The following ZBTB40 variants were observed in gnomAD, a reference collection of about 807,000 sequenced individuals.
ZBTB40 encodes the protein zinc finger and BTB domain containing 40.
In ZBTB40, 60 loss-of-function variants were observed where a neutral mutation model predicts 117.5. The observed-to-expected ratio is 0.51, with a 90% CI of 0.41 to 0.63. The LOEUF is 0.63. Ranked by LOEUF, ZBTB40 falls within the 30% of genes least tolerant of loss-of-function variation. The probability of loss-of-function intolerance (pLI) is 0.00; values close to 1 mark genes in which losing one functional copy is unlikely to be tolerated. For missense variants in ZBTB40, 1,287 were observed against 1,498.5 expected (o/e 0.86, Z 2.33); for synonymous variants, 525 against 577.1 (o/e 0.91, Z 1.29).
chr1:22,454,721 C>T (rs190170392), intron 1 of ZBTB40, among the ~76,000 whole-genome samples: 145 of 152,322 alleles, frequency 9.5e-4, no homozygotes, highest in African/African-American at 3.1e-3. Flanking sequence ...GAGAACTGCA[C>T]GCCCAAGGGC....
At chr1:22,503,214 T>C (rs2124446483) in intron 5 of ZBTB40, among the ~76,000 whole-genome samples, 1 of 151,596 alleles carries the variant, frequency 6.6e-6, no homozygotes, top group East Asian at 1.9e-4. Context: ...TTCTAAGAAG[T>C]GGAATTTTGG....
At chr1:22,509,772 A>G (rs974002170) in intron 9 of ZBTB40, among the ~76,000 whole-genome samples, 8 of 152,334 alleles carry the variant, frequency 5.3e-5, no homozygotes, top group Admixed American at 1.3e-4. Flanking sequence ...TCAGGCCCCA[A>G]AGGGTTAAGT....
Position 22,528,823 on chromosome 1 carries a change from A to G in ZBTB40, c.*2427A>G, listed in dbSNP as rs895193017. 1 of 151,878 alleles carries G rather than the reference A, an allele frequency of 6.6e-6. No individual in the cohort carries two copies. Among genetic ancestry groups the G allele is most frequent in the East Asian group, 1.9e-4 (1 of 5,168 alleles). 9.4% of individuals were successfully genotyped at this position (151,878 alleles called of 1,614,324 possible). ...AGTGCTAGGATTACAGACATGAGCC[A>G]CTACGCCTGGCCAGGTTTCTGTTGG... On this transcript the variant is annotated 3_prime_UTR_variant, in exon 18 of 18. Transcript: ENST00000375647.
chr1:22,467,067 T>A (rs1641273144), intron 1 of ZBTB40, among the ~76,000 whole-genome samples: 1 of 152,218 alleles, frequency 6.6e-6, no homozygotes, highest in African/African-American at 2.4e-5. Flanking sequence ...GCAGGGTTTT[T>A]TTTAACCATT....
In ZBTB40 at chr1:22,492,017, G is replaced by A. The variant is rs1033537436; in HGVS notation, c.831+484G>A. 5.9e-5 allele frequency among the ~76,000 whole-genome samples: 9 copies of A among 152,226 alleles called. No individual in the cohort carries two copies. The South Asian group carries it at 1.0e-3, about 18-fold the overall frequency. On this transcript the variant is annotated intron_variant, in intron 3 of 17. Coordinates refer to ENST00000375647, the MANE Select transcript of ZBTB40 (RefSeq NM_014870.4). ...AAAACAGTAATAGTAAACATTCAAC[G>A]AACACTTCCTGTATTAAGCTTGGCA...
intron 3 of ZBTB40, among the ~76,000 whole-genome samples, chr1:22,493,877 T>C (rs540616185): frequency 3.3e-5 from 5 of 152,076 alleles, no homozygotes; most frequent in African/African-American, 1.2e-4. Context: ...TCCTTCTTAT[T>C]GCTGAGTTGT....
At chr1:22,429,479 T>C (rs1418347772) in intron 1 of ZBTB40, among the ~76,000 whole-genome samples, 1 of 152,094 alleles carries the variant, frequency 6.6e-6, no homozygotes, top group African/African-American at 2.4e-5. Context: ...CTTTTTCACA[T>C]TAGGTCCTTA....
At chr1:22,449,956 T>G (rs923178248), upstream of ZBTB40, among the ~76,000 whole-genome samples, 5 of 152,154 alleles carry the variant, frequency 3.3e-5, no homozygotes, top group Non-Finnish European at 7.4e-5. Context: ...CTTTTTTTTT[T>G]TTTTGAGACG....
chr1:22,432,635 C>T (rs530920157), intron 1 of ZBTB40, among the ~76,000 whole-genome samples: 2 of 152,314 alleles, frequency 1.3e-5, no homozygotes, highest in East Asian at 1.9e-4. Context: ...GTGTTGCTTT[C>T]GAGGTCTCTA....
upstream of ZBTB40, among the ~76,000 whole-genome samples, chr1:22,450,145 A>G (rs1640841710): frequency 6.6e-6 from 1 of 152,080 alleles, no homozygotes; most frequent in African/African-American, 2.4e-5. Flanking sequence ...GGGTTTCACC[A>G]TGTTGGCCAG....
At chr1:22,476,968 G>A (rs748357687) in intron 1 of ZBTB40, among the ~76,000 whole-genome samples, 4 of 152,194 alleles carry the variant, frequency 2.6e-5, no homozygotes, top group Admixed American at 2.0e-4. Context: ...GACATCTAGT[G>A]CTATATTCTG....
At chr1:22,452,502 A>G (rs1640904600) in intron 1 of ZBTB40, among the ~76,000 whole-genome samples, 2 of 152,170 alleles carry the variant, frequency 1.3e-5, no homozygotes, top group Non-Finnish European at 1.5e-5. Context: ...AAGTCCATAA[A>G]TGAAGTTTTA....
intron 1 of ZBTB40, among the ~76,000 whole-genome samples, chr1:22,454,042 C>G (rs1375189297): frequency 6.6e-6 from 1 of 152,146 alleles, no homozygotes; most frequent in African/African-American, 2.4e-5. Context: ...CTCCGCCTCC[C>G]GGGTTCAAGT....
chr1:22,530,342 T>C lies in ZBTB40; in HGVS notation c.*3946T>C, dbSNP rs1639797366. On this transcript the variant is annotated 3_prime_UTR_variant, in exon 18 of 18. Coordinates refer to ENST00000375647, the MANE Select transcript of ZBTB40 (RefSeq NM_014870.4). ...AGTGTCAGAGGCACGTTGATCCTTG[T>C]TTTGTTGTCATGGAAACTTCGGGGC... 6.6e-6 allele frequency: 1 copy of C among 152,174 alleles called. No homozygotes were observed. Among genetic ancestry groups the C allele is most frequent in the Non-Finnish European group, 1.5e-5 (1 of 68,022 alleles). 9.4% of individuals were successfully genotyped at this position (152,174 alleles called of 1,614,324 possible).
At chr1:22,459,779 A>G (rs1241827577) in intron 1 of ZBTB40, among the ~76,000 whole-genome samples, 1 of 151,868 alleles carries the variant, frequency 6.6e-6, no homozygotes. Context: ...ACATTTTATA[A>G]ATTAGCTTAG....
chr1:22,429,851 T>C (rs977482843), intron 1 of ZBTB40, among the ~76,000 whole-genome samples: 1 of 152,030 alleles, frequency 6.6e-6, no homozygotes, highest in African/African-American at 2.4e-5. Flanking sequence ...AAAAATTAGC[T>C]GGGCATGGTG....
At chr1:22,451,292 G>A (rs1258843746), upstream of ZBTB40, among the ~76,000 whole-genome samples, 1 of 152,174 alleles carries the variant, frequency 6.6e-6, no homozygotes, top group Non-Finnish European at 1.5e-5. Context: ...AGCCTTTTGT[G>A]TTCACTTCCT....
rs1639754375 is a variant in ZBTB40, at chr1:22,528,886, A to C, written c.*2490A>C. 6.6e-6 allele frequency: 1 copy of C among 152,216 alleles called. No homozygotes were observed. The highest frequency in any genetic ancestry group is 1.5e-5 in the Non-Finnish European group (1 of 68,082). The allele number at this position is 152,216 out of a possible 1,614,324, so 9.4% of individuals were successfully genotyped here. ...TGACAAGACATTTGTTTTCTTCGGA[A>C]TCACCAGATTTGCAGCTTACTGTGC... On this transcript the variant is annotated 3_prime_UTR_variant, in exon 18 of 18. Coordinates refer to ENST00000375647, the MANE Select transcript of ZBTB40 (RefSeq NM_014870.4).
At chr1:22,515,468 G>A (rs1409676544) in intron 12 of ZBTB40, among the ~76,000 whole-genome samples, 4 of 152,188 alleles carry the variant, frequency 2.6e-5, no homozygotes, top group African/African-American at 9.7e-5. Flanking sequence ...GGTCTTGTGA[G>A]GCTAAATTCA....
Sources: allele counts gnomAD v4.1 joint callset (sites outside exome capture counted in the v4.1 genomes callset), GRCh38; gene constraint gnomAD v4.1.1; transcripts MANE v1.5; gene names NCBI Gene and HGNC (gene_info 2026-07-23, HGNC 2026-07-21).